Variants in CDH13 observed in about 807,000 individuals in gnomAD.
The protein encoded by CDH13 is cadherin-13.
In CDH13, 24 loss-of-function variants were observed where a neutral mutation model predicts 63.8. The observed-to-expected ratio is 0.38, with a 90% CI of 0.27 to 0.53. The LOEUF is 0.53. Ranked by LOEUF, CDH13 falls within the 20% of genes least tolerant of loss-of-function variation. The probability of loss-of-function intolerance (pLI) is 0.85; values close to 1 mark genes in which losing one functional copy is unlikely to be tolerated. For missense variants in CDH13, 1,049 were observed against 903.1 expected, an observed-to-expected ratio of 1.16 and a Z score of -2.07; for synonymous variants, 503 against 355.3, an observed-to-expected ratio of 1.42 and a Z score of -4.67.
intron 11 of CDH13, among the ~76,000 whole-genome samples, chr16:83,769,765 G>A (rs1013149160): frequency 2.0e-5 from 3 of 152,196 alleles, no homozygotes; most frequent in Non-Finnish European, 4.4e-5. Context: ...GTCAATTCTG[G>A]AGAAGAGATC....
rs1597901313 is a variant in CDH13 at position 83,390,039 on chromosome 16, T to C, written c.781+45033T>C. Among the ~76,000 whole-genome samples, 7 of 146,522 alleles carry C rather than the reference T, an allele frequency of 4.8e-5. No individual in the cohort carries two copies. The South Asian group carries it at 1.5e-3, about 31-fold the overall frequency. On this transcript the variant is annotated intron_variant, in intron 6 of 13. Transcript: ENST00000567109. ...TGTCCTAGGCTTGCAGCTGGGGCCT[T>C]AGCTACCCTTGTAATTTTCCCAGAA...
At chr16:83,761,403 T>C (rs911535422) in intron 11 of CDH13, among the ~76,000 whole-genome samples, 5 of 152,208 alleles carry the variant, frequency 3.3e-5, no homozygotes, top group Non-Finnish European at 2.9e-5. Flanking sequence ...CTGAGTTTAG[T>C]TGAGCAAAGA....
At chr16:83,500,660 A>T (rs1485859612) in intron 7 of CDH13, among the ~76,000 whole-genome samples, 5 of 136,930 alleles carry the variant, frequency 3.7e-5, no homozygotes, top group African/African-American at 1.4e-4. Context: ...ACAACCTCAG[A>T]CTCCTGGATT....
intron 7 of CDH13, among the ~76,000 whole-genome samples, chr16:83,557,895 C>A (rs2075634058): frequency 6.6e-6 from 1 of 152,164 alleles, no homozygotes; most frequent in East Asian, 1.9e-4. Context: ...CAGATAAAAA[C>A]AATATAAAAG....
rs377549767 is a variant in CDH13 at position 83,079,819 on chromosome 16, G to A, written c.367-45566G>A. Among the ~76,000 whole-genome samples the A allele has an allele frequency of 1.4e-4, 22 of 152,294 alleles. No individual in the cohort carries two copies. The South Asian group carries it at 3.3e-3, about 23-fold the overall frequency. On this transcript the variant is annotated intron_variant, in intron 3 of 13. Transcript: ENST00000567109. Reference sequence around the variant, plus strand: ...CATAATATTTATTTGGATGATCCATGGTGTTGGAAAATAATAAGTTACATA... The same window carrying A: ...CATAATATTTATTTGGATGATCCATAGTGTTGGAAAATAATAAGTTACATA...
intron 4 of CDH13, among the ~76,000 whole-genome samples, chr16:83,151,663 T>C (rs2036986930): frequency 6.6e-6 from 1 of 152,184 alleles, no homozygotes; most frequent in South Asian, 2.1e-4. Flanking sequence ...CTACTTAGTC[T>C]ATTAGAAATA....
chr16:83,316,730 A>T (rs2090113533), intron 5 of CDH13, among the ~76,000 whole-genome samples: 1 of 152,222 alleles, frequency 6.6e-6, no homozygotes, highest in East Asian at 1.9e-4. Flanking sequence ...GCATTCTGTA[A>T]TGCATTTGAT....
intron 1 of CDH13, among the ~76,000 whole-genome samples, chr16:82,815,763 A>C (rs2151189243): frequency 6.6e-6 from 1 of 152,280 alleles, no homozygotes; most frequent in Non-Finnish European, 1.5e-5. Context: ...TTGTCCACCC[A>C]TTATACTGTG....
intron 5 of CDH13, among the ~76,000 whole-genome samples, chr16:83,342,596 C>T (rs763390201): frequency 2.0e-5 from 3 of 152,274 alleles, no homozygotes; most frequent in Admixed American, 1.3e-4. Context: ...TGAGATTCAG[C>T]TCCACATTCT....
intron 7 of CDH13, among the ~76,000 whole-genome samples, chr16:83,546,948 A>G (rs937497455): frequency 6.6e-6 from 1 of 152,208 alleles, no homozygotes; most frequent in Non-Finnish European, 1.5e-5. Flanking sequence ...AGGCACAACA[A>G]AAACACGGAC....
At chr16:82,899,200 C>A (rs2041373448) in intron 2 of CDH13, among the ~76,000 whole-genome samples, 1 of 152,166 alleles carries the variant, frequency 6.6e-6, no homozygotes, top group Non-Finnish European at 1.5e-5. Flanking sequence ...GACCAAGTGT[C>A]TGTGATGTCA....
At chr16:82,785,991 G>C (rs184191840) in intron 1 of CDH13, among the ~76,000 whole-genome samples, 4 of 152,248 alleles carry the variant, frequency 2.6e-5, no homozygotes, top group Admixed American at 2.6e-4. Context: ...GACCACACAG[G>C]CTAAACTAAT....
chr16:83,268,930 A>AACTGCAAGGTCG (rs983057446), intron 5 of CDH13, among the ~76,000 whole-genome samples: 47 of 2,528 alleles, frequency 0.019, no homozygotes, highest in African/African-American at 0.033. Flanking sequence ...CCACAAGCCA[A>AACTGCAAGGTCG]AGACCAGAGC....
chr16:83,370,426 C>T (rs2091344744), intron 6 of CDH13, among the ~76,000 whole-genome samples: 1 of 149,362 alleles, frequency 6.7e-6, no homozygotes, highest in Admixed American at 6.6e-5. Flanking sequence ...TCAGTTCTAT[C>T]TTCTTTTTAT....
rs116321437 is a variant in CDH13, at chr16:83,786,345, G to A, written c.2134+2873G>A. ...TGGTAGTTCCTAAATGCTGCTGCAC[G>A]TCAGAACCACTTAGGAAACATTTTC... On this transcript the variant is annotated intron_variant, in intron 13 of 13. Coordinates refer to ENST00000567109, the MANE Select transcript of CDH13 (RefSeq NM_001257.5). Among the ~76,000 whole-genome samples, 1,230 of 152,216 alleles carry A rather than the reference G, an allele frequency of 8.1e-3. 26 individuals are homozygous for A. Among genetic ancestry groups the A allele is most frequent in the African/African-American group, 0.028 (1,181 of 41,548 alleles).
At chr16:82,936,224 A>T (rs1015971723) in intron 2 of CDH13, among the ~76,000 whole-genome samples, 2 of 152,126 alleles carry the variant, frequency 1.3e-5, no homozygotes, top group African/African-American at 4.8e-5. Flanking sequence ...CTGCAGCTCA[A>T]CTTTACATTT....
intron 5 of CDH13, among the ~76,000 whole-genome samples, chr16:83,289,405 A>T: frequency 6.6e-6 from 1 of 152,190 alleles, no homozygotes; most frequent in East Asian, 1.9e-4. Flanking sequence ...TGGATGCTTT[A>T]TAAAAATGCA....
At chr16:82,944,356 AGTGGGCTTTG>A (rs1904461315) in intron 2 of CDH13, among the ~76,000 whole-genome samples, 1 of 152,152 alleles carries the variant, frequency 6.6e-6, no homozygotes, top group Admixed American at 6.5e-5. Flanking sequence ...GTGTGTCTGT[AGTGGGCTTTG>A]GTGGACTCCT....
chr16:83,602,054 C>A (rs1160692437), intron 7 of CDH13, among the ~76,000 whole-genome samples: 1 of 117,216 alleles, frequency 8.5e-6, no homozygotes, highest in Non-Finnish European at 1.6e-5. Flanking sequence ...GATTGCGCCA[C>A]TGTACTCTAG....
Sources: gnomAD v4.1 joint callset for allele counts (sites outside exome capture counted in the v4.1 genomes callset) on GRCh38, gnomAD v4.1.1 for gene constraint, MANE v1.5 for transcripts, NCBI Gene and HGNC (gene_info 2026-07-23, HGNC 2026-07-21) for gene names.